RALGPS2: variants seen among roughly 807,000 people sequenced by gnomAD.
The protein encoded by RALGPS2 is Ral GEF with PH domain and SH3 binding motif 2, also known as ras-specific guanine nucleotide-releasing factor RalGPS2.
Under a neutral mutation model 86.8 loss-of-function variants are expected in RALGPS2, and 43 were observed. The ratio of observed to expected loss-of-function variants is 0.50; its 90% CI spans 0.39 to 0.64. The LOEUF (loss-of-function observed/expected upper bound fraction) is 0.64, where lower values mean the gene tolerates loss of function less well. RALGPS2 is among the 30% of genes least tolerant of loss of function. The pLI, the probability that RALGPS2 is intolerant of heterozygous loss-of-function variation, is 0.00. For missense variants in RALGPS2, 536 were observed against 694.6 expected, an observed-to-expected ratio of 0.77 and a Z score of 2.57; for synonymous variants, 243 against 231.3, an observed-to-expected ratio of 1.05 and a Z score of -0.46.
intron 2 of RALGPS2, among the ~76,000 whole-genome samples, chr1:178,782,870 T>A (rs924625416): frequency 2.6e-5 from 4 of 152,080 alleles, no homozygotes; most frequent in African/African-American, 9.7e-5. Flanking sequence ...ATGCCTAGCA[T>A]GATAAAAATA....
chr1:178,738,963 T>A (rs1476147164), intron 1 of RALGPS2, among the ~76,000 whole-genome samples: 1 of 152,248 alleles, frequency 6.6e-6, no homozygotes, highest in Non-Finnish European at 1.5e-5. Flanking sequence ...TTTTTTGCCT[T>A]CTGGAATTAG....
intron 4 of RALGPS2, among the ~76,000 whole-genome samples, chr1:178,796,747 G>A (rs1654209992): frequency 6.6e-6 from 1 of 152,146 alleles, no homozygotes; most frequent in Non-Finnish European, 1.5e-5. Context: ...TGACTTCTGT[G>A]AATTCAGTAA....
intron 19 of RALGPS2, 114 bp downstream of exon 19, chr1:178,906,981 T>C: frequency 1.1e-6 from 1 of 900,464 alleles, no homozygotes; most frequent in Non-Finnish European, 1.7e-6. Flanking sequence ...GGTGGTGTTT[T>C]TATTCTTGTT....
rs544851644 is a variant in RALGPS2, at chr1:178,757,628, A to G, written c.-83-19054A>G. The stretch of plus-strand genomic sequence containing the variant: ...GTGTATGTTGAACCAACCTTGCATC[A>G]CAAGAGTGAAGCTTGCTTAATCATG... On this transcript the variant is annotated intron_variant, in intron 1 of 19. Transcript: ENST00000367635. Among the ~76,000 whole-genome samples the G allele has an allele frequency of 9.9e-4, 150 of 152,232 alleles. 1 individual carries two copies. Among genetic ancestry groups the G allele is most frequent in the Non-Finnish European group, 1.8e-3 (119 of 67,990 alleles).
At chr1:178,870,676 A>G (rs1368221297) in intron 8 of RALGPS2, 1 of 152,208 alleles carries the variant, frequency 6.6e-6, no homozygotes, top group Non-Finnish European at 1.5e-5. Context: ...AATTTCTACT[A>G]CAAATATAAA....
At chr1:178,793,926 A>G (rs76641508) in intron 4 of RALGPS2, among the ~76,000 whole-genome samples, 5,719 of 152,244 alleles carry the variant, frequency 0.038, 135 homozygotes, top group African/African-American at 0.059. Context: ...GAATTTTCCA[A>G]TGCTGAGTAG....
intron 10 of RALGPS2, among the ~76,000 whole-genome samples, chr1:178,880,656 T>C (rs1659206402): frequency 6.6e-6 from 1 of 152,234 alleles, no homozygotes; most frequent in Admixed American, 6.5e-5. Flanking sequence ...GTAGAACAGA[T>C]ATCTTAAAAT....
At chr1:178,744,782 T>A (rs1476501262) in intron 1 of RALGPS2, among the ~76,000 whole-genome samples, 1 of 136,604 alleles carries the variant, frequency 7.3e-6, no homozygotes, top group Admixed American at 8.1e-5. Flanking sequence ...CGCACCACTG[T>A]ACTCCAGCCT....
chr1:178,848,881 C>T (rs1212308528), intron 8 of RALGPS2, among the ~76,000 whole-genome samples: 4 of 152,130 alleles, frequency 2.6e-5, no homozygotes, highest in South Asian at 2.1e-4. Flanking sequence ...CCACCTGCTT[C>T]GGCCTCCCAA....
At chr1:178,730,318 T>G (rs1234215528) in intron 1 of RALGPS2, among the ~76,000 whole-genome samples, 2 of 152,196 alleles carry the variant, frequency 1.3e-5, no homozygotes, top group African/African-American at 2.4e-5. Context: ...AGTCTATGCT[T>G]TAGGATTCTT....
chr1:178,735,034 A>G (rs1363563743), intron 1 of RALGPS2, among the ~76,000 whole-genome samples: 1 of 152,236 alleles, frequency 6.6e-6, no homozygotes, highest in East Asian at 1.9e-4. Flanking sequence ...CATAGCAAAC[A>G]GGGCATGTCC....
intron 4 of RALGPS2, among the ~76,000 whole-genome samples, chr1:178,799,562 G>A (rs1654370130): frequency 1.3e-5 from 2 of 152,076 alleles, no homozygotes; most frequent in South Asian, 2.1e-4. Context: ...CCAGCTGCCC[G>A]TCTTTGGATG....
chr1:178,818,204 A>G (rs1444237983), intron 6 of RALGPS2, among the ~76,000 whole-genome samples: 2 of 152,130 alleles, frequency 1.3e-5, no homozygotes, highest in African/African-American at 4.8e-5. Flanking sequence ...TACTAAAAAT[A>G]CAAAAATTAG....
Position 178,893,512 on chromosome 1 carries a change from T to C in RALGPS2, c.1326-407T>C, listed in dbSNP as rs185347487. On this transcript the variant is annotated intron_variant, in intron 15 of 19. Transcript: ENST00000367635. ...AGTTTTATATATACTTAAATACTTT[T>C]AACAAATAGAATCCTCATTTTTCCT... is the stretch of plus-strand genomic sequence containing the variant. Among the ~76,000 whole-genome samples the C allele has an allele frequency of 2.4e-3, 357 of 151,708 alleles. 3 individuals carry two copies. The highest frequency in any genetic ancestry group is 2.9e-3 in the Non-Finnish European group (195 of 67,838).
At chr1:178,903,606 G>A (rs771021490) in intron 18 of RALGPS2, among the ~76,000 whole-genome samples, 25 of 152,218 alleles carry the variant, frequency 1.6e-4, no homozygotes, top group Admixed American at 2.6e-4. Context: ...ATGATGTTTG[G>A]TTTTCCATTC....
In RALGPS2 at chr1:178,909,450, G is replaced by T. The variant is rs374515662; in HGVS notation, c.1722+2583G>T. The stretch of plus-strand genomic sequence containing the variant: ...TTGTTCCCATATGAATTTTCTAATG[G>T]TTTTTTCTAATTCTTTGAAGAATGT... On this transcript the variant is annotated intron_variant, in intron 19 of 19. Transcript: ENST00000367635. 5.9e-5 allele frequency among the ~76,000 whole-genome samples: 9 copies of T among 152,016 alleles called. No individual in the cohort carries two copies. In the East Asian group the frequency reaches 1.2e-3, roughly 20 times the overall value.
At chr1:178,748,698 T>C (rs955345804) in intron 1 of RALGPS2, among the ~76,000 whole-genome samples, 4 of 151,508 alleles carry the variant, frequency 2.6e-5, no homozygotes, top group East Asian at 1.9e-4. Context: ...ACTAAAAATA[T>C]AAAAATTAGC....
At chr1:178,856,721 T>A (rs1657612734) in intron 8 of RALGPS2, among the ~76,000 whole-genome samples, 1 of 152,140 alleles carries the variant, frequency 6.6e-6, no homozygotes, top group Non-Finnish European at 1.5e-5. Flanking sequence ...TAACACATAA[T>A]TGTAGCTTAT....
At chr1:178,761,990 C>T (rs1572297873) in intron 1 of RALGPS2, among the ~76,000 whole-genome samples, 1 of 152,144 alleles carries the variant, frequency 6.6e-6, no homozygotes, top group South Asian at 2.1e-4. Context: ...TAGGTAGTTT[C>T]TCAATCCTCA....
Sources: gnomAD v4.1 joint callset for allele counts (sites outside exome capture counted in the v4.1 genomes callset) on GRCh38, gnomAD v4.1.1 for gene constraint, MANE v1.5 for transcripts, NCBI Gene and HGNC (gene_info 2026-07-23, HGNC 2026-07-21) for gene names.